Variants in NXPE2 observed in about 807,000 individuals in gnomAD.
NXPE2 encodes NXPE family member 2.
Under a neutral mutation model 34.4 loss-of-function variants are expected in NXPE2, and 34 were observed. The observed-to-expected ratio is 0.99, with a 90% CI of 0.75 to 1.31. The LOEUF is 1.31. Among genes scored for constraint, NXPE2 ranks in the 40% most tolerant of loss-of-function variants. The pLI, the probability that NXPE2 is intolerant of heterozygous loss-of-function variation, is 0.00. For missense variants in NXPE2, 649 were observed against 672.5 expected, an observed-to-expected ratio of 0.97 and a Z score of 0.39; for synonymous variants, 235 against 231.3, an observed-to-expected ratio of 1.02 and a Z score of -0.15.
the NXPE2 span, among the ~76,000 whole-genome samples, chr11:114,472,489 G>A: frequency 6.6e-6 from 1 of 152,182 alleles, no homozygotes; most frequent in Non-Finnish European, 1.5e-5. Flanking sequence ...TGTGGCCCAC[G>A]GGCTGTGGAT....
the NXPE2 span, among the ~76,000 whole-genome samples, chr11:114,624,003 G>A: frequency 3.8e-4 from 58 of 151,738 alleles, no homozygotes; most frequent in East Asian, 9.8e-3. Flanking sequence ...ACTGTTACCC[G>A]GTGGATAATA....
chr11:114,536,837 G>A, the NXPE2 span, among the ~76,000 whole-genome samples: 8 of 152,076 alleles, frequency 5.3e-5, no homozygotes, highest in Non-Finnish European at 7.4e-5. Context: ...ATTCACAGCC[G>A]AATTCTACCA....
the NXPE2 span, among the ~76,000 whole-genome samples, chr11:114,475,409 A>G: frequency 1.3e-5 from 2 of 151,460 alleles, no homozygotes; most frequent in Non-Finnish European, 2.9e-5. Context: ...ATGCCCACCT[A>G]ATTTTTGTAT....
chr11:114,468,543 C>T, the NXPE2 span, among the ~76,000 whole-genome samples: 2 of 152,172 alleles, frequency 1.3e-5, no homozygotes, highest in East Asian at 1.9e-4. Context: ...TGGTTCTTAA[C>T]TGGAGGTGGT....
the NXPE2 span, among the ~76,000 whole-genome samples, chr11:114,762,864 C>G: frequency 1.3e-5 from 2 of 152,236 alleles, no homozygotes; most frequent in Middle Eastern, 3.4e-3. Flanking sequence ...CCTTCCCTTC[C>G]CCTCCATTCT....
chr11:114,471,513 C>T, the NXPE2 span, among the ~76,000 whole-genome samples: 1 of 152,034 alleles, frequency 6.6e-6, no homozygotes, highest in East Asian at 1.9e-4. Context: ...AAAAATTGAC[C>T]TTATTAGCCA....
chr11:114,698,768 C>T lies in NXPE2; in HGVS notation c.856C>T (p.Leu286Phe), dbSNP rs1180325388. 6.4e-7 allele frequency: 1 copy of T among 1,556,864 alleles called. No individual in the cohort carries two copies. Among genetic ancestry groups the T allele is most frequent in the African/African-American group, 1.4e-5 (1 of 73,336 alleles). The change falls in exon 3 of 6, where the codon CTT becomes TTT. Residue 286 changes from leucine (L) to phenylalanine (F), a missense_variant. Physicochemically the swap from Leu to Phe is conservative, Grantham distance 22 (BLOSUM62 0). Coordinates refer to ENST00000389586, the MANE Select transcript of NXPE2 (RefSeq NM_182495.6). ...ISYLSKEEWR[L>F]FHRSNIGVEM... Reference sequence around the variant, plus strand: ...CTATCTTAGCAAGGAAGAATGGAGGCTTTTCCACAGGTAAAGAGGCTTTTA... The same window carrying T: ...CTATCTTAGCAAGGAAGAATGGAGGTTTTTCCACAGGTAAAGAGGCTTTTA...
chr11:114,554,959 G>C, the NXPE2 span, among the ~76,000 whole-genome samples: 1 of 151,978 alleles, frequency 6.6e-6, no homozygotes, highest in Non-Finnish European at 1.5e-5. Flanking sequence ...TGACCTCAAG[G>C]TGCACACCCT....
At chr11:114,519,700 T>C in the NXPE2 span, among the ~76,000 whole-genome samples, 6 of 152,044 alleles carry the variant, frequency 3.9e-5, no homozygotes, top group Non-Finnish European at 5.9e-5. Context: ...TGCAGAGGCT[T>C]CAGAGACTGA....
At chr11:114,701,566 T>G (rs1433448115) in intron 3 of NXPE2, among the ~76,000 whole-genome samples, 1 of 152,166 alleles carries the variant, frequency 6.6e-6, no homozygotes, top group African/African-American at 2.4e-5. Context: ...AAATAGAGAT[T>G]TCAGTCTCCC....
the NXPE2 span, among the ~76,000 whole-genome samples, chr11:114,578,370 G>C: frequency 3.3e-5 from 5 of 152,180 alleles, no homozygotes; most frequent in African/African-American, 4.8e-5. Flanking sequence ...ATGAGTCGAA[G>C]AGGGTAGGTA....
the NXPE2 span, among the ~76,000 whole-genome samples, chr11:114,639,183 C>G: frequency 2.0e-3 from 305 of 152,130 alleles, 1 homozygote; most frequent in African/African-American, 7.1e-3. Context: ...GGGCACCCCT[C>G]CCCCAGCCTC....
At chr11:114,793,701 G>T in the NXPE2 span, among the ~76,000 whole-genome samples, 1 of 152,116 alleles carries the variant, frequency 6.6e-6, no homozygotes, top group Non-Finnish European at 1.5e-5. Context: ...AATGAGGAGC[G>T]AAAGGCCAGA....
At chr11:114,730,806 T>G in the NXPE2 span, among the ~76,000 whole-genome samples, 1 of 152,172 alleles carries the variant, frequency 6.6e-6, no homozygotes, top group African/African-American at 2.4e-5. Flanking sequence ...GCAGAGTCTC[T>G]AGGGATTTCT....
chr11:114,600,030 G>T, the NXPE2 span, among the ~76,000 whole-genome samples: 3 of 151,976 alleles, frequency 2.0e-5, no homozygotes, highest in African/African-American at 7.2e-5. Flanking sequence ...AACAAATATG[G>T]CAAAAGTGAA....
the NXPE2 span, among the ~76,000 whole-genome samples, chr11:114,493,019 T>G: frequency 6.6e-6 from 1 of 152,228 alleles, no homozygotes; most frequent in Admixed American, 6.5e-5. Context: ...AATTGTTATA[T>G]CCTCTTTCTG....
chr11:114,636,059 C>A, the NXPE2 span, among the ~76,000 whole-genome samples: 1 of 149,754 alleles, frequency 6.7e-6, no homozygotes, highest in African/African-American at 2.5e-5. Context: ...CCTCCTTGTA[C>A]CTCTGGTAGA....
At chr11:114,568,986 A>G in the NXPE2 span, among the ~76,000 whole-genome samples, 1 of 152,198 alleles carries the variant, frequency 6.6e-6, no homozygotes, top group African/African-American at 2.4e-5. Flanking sequence ...TTTAAAAAAA[A>G]ATGTTGACCA....
At chr11:114,749,243 A>G in the NXPE2 span, among the ~76,000 whole-genome samples, 5 of 152,208 alleles carry the variant, frequency 3.3e-5, no homozygotes, top group Admixed American at 6.5e-5. Context: ...ATGTATGCAT[A>G]TATATTTACA....
Sources: gnomAD v4.1 joint callset for allele counts (sites outside exome capture counted in the v4.1 genomes callset) on GRCh38, gnomAD v4.1.1 for gene constraint, MANE v1.5 for transcripts, NCBI Gene and HGNC (gene_info 2026-07-23, HGNC 2026-07-21) for gene names.